The following TMEM238 variants were observed in gnomAD, a reference collection of about 807,000 sequenced individuals.
The protein encoded by TMEM238 is transmembrane protein 238.
For missense variants in TMEM238, 169 were observed against 206.8 expected (o/e 0.82, Z 1.12); for synonymous variants, 103 against 111.5 (o/e 0.92, Z 0.48).
intron 1 of TMEM238, among the ~76,000 whole-genome samples, chr19:55,380,474 G>T (rs1238904468): frequency 1.4e-5 from 2 of 144,460 alleles, no homozygotes; most frequent in African/African-American, 5.2e-5. Flanking sequence ...GCCCAAGCTG[G>T]AGTGCAGTGG....
chr19:55,384,053 G>A lies in TMEM238; in HGVS notation c.207C>T (p.Asp69=). The change falls in exon 1 of 2, where the codon GAC becomes GAT. Residue 69 remains aspartate, a synonymous_variant. Transcript: ENST00000444469. This position sits in a 1 kb window ranked among gnomAD's most constrained non-coding sequence, Gnocchi z 5.6. Reference sequence around the variant, plus strand: ...GCAGCGCGCCCGAGTAGATGAGCAGGTCCCCGAAGTCGCGGCCGCGCACCT... The same window carrying A: ...GCAGCGCGCCCGAGTAGATGAGCAGATCCCCGAAGTCGCGGCCGCGCACCT... ...QLQVRGRDFG[D]LLIYSGALLV... The A allele has an allele frequency of 2.0e-6, 3 of 1,482,376 alleles. No individual in the cohort carries two copies. Among genetic ancestry groups the A allele is most frequent in the East Asian group, 2.7e-5 (1 of 37,508 alleles). 91.8% of individuals were successfully genotyped at this position (1,482,376 alleles called of 1,614,324 possible).
intron 1 of TMEM238, among the ~76,000 whole-genome samples, chr19:55,379,989 G>A (rs1319048859): frequency 6.6e-6 from 1 of 151,746 alleles, no homozygotes; most frequent in Admixed American, 6.6e-5. Context: ...AGTGATGGGG[G>A]TGGCTCTGCC....
chr19:55,380,231 T>C (rs2123261602), intron 1 of TMEM238, among the ~76,000 whole-genome samples: 1 of 134,156 alleles, frequency 7.5e-6, no homozygotes, highest in African/African-American at 3.1e-5. Flanking sequence ...CCTGTGCAGC[T>C]GTGTTAGACG....
At chr19:55,380,120 A>AAC (rs1162055880) in intron 1 of TMEM238, among the ~76,000 whole-genome samples, 1 of 151,732 alleles carries the variant, frequency 6.6e-6, no homozygotes, top group Non-Finnish European at 1.5e-5. Flanking sequence ...CTCCCCAGTA[A>AAC]ACAAGAGTCC....
At chr19:55,381,386 C>T (rs978826236) in intron 1 of TMEM238, among the ~76,000 whole-genome samples, 4 of 139,592 alleles carry the variant, frequency 2.9e-5, no homozygotes, top group African/African-American at 1.1e-4. Context: ...CCACTGCACT[C>T]CAGCCTGGAC....
At chr19:55,380,946 T>C (rs1178706083) in intron 1 of TMEM238, among the ~76,000 whole-genome samples, 1 of 152,188 alleles carries the variant, frequency 6.6e-6, no homozygotes, top group Non-Finnish European at 1.5e-5. Flanking sequence ...GTGCTTATGT[T>C]TGCATTCTAT....
chr19:55,384,204 G>C lies in TMEM238; in HGVS notation c.56C>G (p.Ser19Cys), dbSNP rs2089899706. 3 of 1,167,278 alleles carry C rather than the reference G, an allele frequency of 2.6e-6. No homozygotes were observed. In the African/African-American group the frequency reaches 4.9e-5, roughly 19 times the overall value. The allele number at this position is 1,167,278 out of a possible 1,614,324, so 72.3% of individuals were successfully genotyped here. The change falls in exon 1 of 2, where the codon TCC becomes TGC. Residue 19 changes from serine (S) to cysteine (C), a missense_variant. Physicochemically the swap from Ser to Cys is moderately radical, Grantham distance 112. Coordinates refer to ENST00000444469, the MANE Select transcript of TMEM238 (RefSeq NM_001190764.2). This position sits in a 1 kb window ranked among gnomAD's most constrained non-coding sequence, Gnocchi z 5.6. ...ASQGSPPGAP[S>C]APAAAPAPAA... ...GGGTGCTGGCGCGGCCGCCGGCGCG[G>C]ACGGTGCACCCGGCGGGCTCCCCTG...
rs1192501905 is a variant in TMEM238, at chr19:55,384,022, A to G, written c.238T>C (p.Phe80Leu). 6 of 1,483,556 alleles carry G rather than the reference A, an allele frequency of 4.0e-6. No individual in the cohort carries two copies. The East Asian group carries it at 1.6e-4, about 39-fold the overall frequency. The allele number at this position is 1,483,556 out of a possible 1,614,324, so 91.9% of individuals were successfully genotyped here. The part of the protein sequence containing the change: ...LLIYSGALLV[F>L]LSLLGWILWY... ...AGGATCCAGCCCAGCAGGCTCAGGA[A>G]CACCAGCAGCGCGCCCGAGTAGATG... Residue 80 changes from phenylalanine to leucine, a missense_variant, in exon 1 of 2, where the codon TTC becomes CTC. Coordinates refer to ENST00000444469, the MANE Select transcript of TMEM238 (RefSeq NM_001190764.2). The surrounding 1 kb of genome is among the most constrained non-coding windows in gnomAD (Gnocchi z 5.6).
At position 55,383,877 on chromosome 19, in the gene TMEM238, G is replaced by A; in HGVS notation, c.383C>T (p.Ala128Val). 4 of 1,028,268 alleles carry A rather than the reference G, an allele frequency of 3.9e-6. No individual in the cohort carries two copies. The highest frequency in any genetic ancestry group is 4.7e-6 in the Non-Finnish European group (4 of 847,582). 63.7% of individuals were successfully genotyped at this position (1,028,268 alleles called of 1,614,324 possible). ...GCCGGGCGCGGGGCGCTGGCCCGCG[G>A]CGGCGGGCGCCGACCAGCGGCGGGA... ...KLSRRWSAPA[A>V]AGQRPAPGSR... Residue 128 changes from alanine (A) to valine (V), a missense_variant, in exon 1 of 2, where the codon GCC becomes GTC. Coordinates refer to ENST00000444469, the MANE Select transcript of TMEM238 (RefSeq NM_001190764.2). The surrounding 1 kb of genome is among the most constrained non-coding windows in gnomAD (Gnocchi z 4.9).
chr19:55,379,480 CT>C (rs2123260749), intron 1 of TMEM238, 113 bp from the exon 2 acceptor site: 1 of 152,376 alleles, frequency 6.6e-6, no homozygotes, highest in African/African-American at 2.4e-5. Flanking sequence ...GCCCTTGCCG[CT>C]CACATGGACT....
At chr19:55,381,805 C>T (rs2089888041) in intron 1 of TMEM238, among the ~76,000 whole-genome samples, 2 of 152,174 alleles carry the variant, frequency 1.3e-5, no homozygotes. Context: ...TCTCTGAGGC[C>T]TCCCCAGTAC....
At chr19:55,382,994 T>C (rs1300750778) in intron 1 of TMEM238, among the ~76,000 whole-genome samples, 2 of 152,230 alleles carry the variant, frequency 1.3e-5, no homozygotes, top group Non-Finnish European at 2.9e-5. Context: ...TGGGCAAATG[T>C]GGCGCCTTTC....
intron 1 of TMEM238, among the ~76,000 whole-genome samples, chr19:55,380,840 C>G (rs542000632): frequency 6.6e-6 from 1 of 152,070 alleles, no homozygotes; most frequent in South Asian, 2.1e-4. Flanking sequence ...CAGGTTCAAG[C>G]AAGCAATTCT....
At chr19:55,380,988 G>A (rs1230089163) in intron 1 of TMEM238, among the ~76,000 whole-genome samples, 2 of 152,174 alleles carry the variant, frequency 1.3e-5, no homozygotes, top group African/African-American at 2.4e-5. Context: ...CGCTTCACCC[G>A]TGCAAGCAGA....
chr19:55,380,789 GT>G (rs2089883791), intron 1 of TMEM238, among the ~76,000 whole-genome samples: 1 of 150,394 alleles, frequency 6.6e-6, no homozygotes, highest in Non-Finnish European at 1.5e-5. Context: ...TCAGGCTGGA[GT>G]GCAGTGGCGT....
rs1292388360 is a variant in TMEM238, at chr19:55,383,819, G to A, written c.441C>T (p.Pro147=). The change falls in exon 1 of 2, where the codon CCC becomes CCT. Residue 147 remains proline, a synonymous_variant. Transcript: ENST00000444469. The surrounding 1 kb of genome is among the most constrained non-coding windows in gnomAD (Gnocchi z 4.9). ...SRRARRAARA[P]PPPAAGSRRV... is the part of the protein sequence containing the mutation. ...GGCGGGAGCCGGCGGCGGGCGGCGG[G>A]GGCGCGCGGGCGGCTCGGCGCGCTC... 3.3e-5 allele frequency: 17 copies of A among 507,796 alleles called. No individual in the cohort carries two copies. In the East Asian group the frequency reaches 1.4e-3, roughly 41 times the overall value. The allele number at this position is 507,796 out of a possible 1,614,324, so 31.5% of individuals were successfully genotyped here.
At chr19:55,381,301 C>G (rs899851221) in intron 1 of TMEM238, among the ~76,000 whole-genome samples, 2 of 151,266 alleles carry the variant, frequency 1.3e-5, no homozygotes, top group Non-Finnish European at 2.9e-5. Flanking sequence ...GCCTGTAATC[C>G]CAGCTACTCG....
chr19:55,379,799 G>T (rs2089877772), intron 1 of TMEM238, among the ~76,000 whole-genome samples: 1 of 152,214 alleles, frequency 6.6e-6, no homozygotes, highest in South Asian at 2.1e-4. Context: ...TTGGCTGCAG[G>T]CAGGAGGATC....
In TMEM238 at chr19:55,383,859, G is replaced by C; in HGVS notation, c.401C>G (p.Ala134Gly). 1 of 904,182 alleles carries C rather than the reference G, an allele frequency of 1.1e-6. No homozygotes were observed. The highest frequency in any genetic ancestry group is 1.3e-6 in the Non-Finnish European group (1 of 750,168). 56.0% of individuals were successfully genotyped at this position (904,182 alleles called of 1,614,324 possible). The stretch of plus-strand genomic sequence containing the variant: ...TCGGCGCGCTCTCCGGGAGCCGGGC[G>C]CGGGGCGCTGGCCCGCGGCGGCGGG... ...SAPAAAGQRPAPGSRRARRAA... is the reference protein window; with the variant it reads ...SAPAAAGQRPGPGSRRARRAA... The change falls in exon 1 of 2, where the codon GCG (alanine) becomes GGG (glycine). Residue 134 changes from alanine (A) to glycine (G), a missense_variant. Ala to Gly is a moderately conservative substitution (Grantham distance 60, BLOSUM62 0). Transcript: ENST00000444469. This position sits in a 1 kb window ranked among gnomAD's most constrained non-coding sequence, Gnocchi z 4.9.
Sources: gnomAD v4.1 joint callset for allele counts (sites outside exome capture counted in the v4.1 genomes callset) on GRCh38, gnomAD v4.1.1 for gene constraint, Gnocchi (gnomAD v3.1) non-coding constraint, MANE v1.5 for transcripts, NCBI Gene and HGNC (gene_info 2026-07-23, HGNC 2026-07-21) for gene names.